The following FAM117A variants were observed in gnomAD, a reference collection of about 807,000 sequenced individuals.
FAM117A encodes the protein family with sequence similarity 117 member A, also known as protein FAM117A.
Under a neutral mutation model 44.1 loss-of-function variants are expected in FAM117A, and 21 were observed. That is an observed-to-expected ratio of 0.48 (90% CI 0.34 to 0.69). FAM117A has a LOEUF of 0.69. FAM117A is among the 30% of genes least tolerant of loss of function. The probability of loss-of-function intolerance (pLI) is 0.01; values close to 1 mark genes in which losing one functional copy is unlikely to be tolerated. For missense variants in FAM117A, 498 were observed against 589.9 expected (o/e 0.84, Z 1.61); for synonymous variants, 220 against 238.3 (o/e 0.92, Z 0.71).
intron 1 of FAM117A, among the ~76,000 whole-genome samples, chr17:49,751,307 G>A (rs984585426): frequency 2.7e-5 from 4 of 147,838 alleles, no homozygotes; most frequent in East Asian, 2.0e-4. Context: ...AAAGCCGGGC[G>A]CGCTGGCTCA....
chr17:49,768,305 G>T (rs1234295705), upstream of FAM117A, among the ~76,000 whole-genome samples: 1 of 152,148 alleles, frequency 6.6e-6, no homozygotes, highest in Non-Finnish European at 1.5e-5. Flanking sequence ...AGGGCACCTT[G>T]AATTCCACCC....
At chr17:49,732,340 G>A (rs12149966) in intron 2 of FAM117A, 623 of 420,000 alleles carry the variant, frequency 1.5e-3, no homozygotes, top group Non-Finnish European at 2.2e-3. Flanking sequence ...GGGAGGCAGA[G>A]GTTGCAGTGA....
intron 1 of FAM117A, among the ~76,000 whole-genome samples, chr17:49,740,211 CTG>C (rs1193213236): frequency 6.6e-6 from 1 of 151,912 alleles, no homozygotes; most frequent in East Asian, 1.9e-4. Context: ...AAAGATGGGC[CTG>C]GCACACTGCA....
At chr17:49,755,766 G>A (rs1296457910) in intron 1 of FAM117A, among the ~76,000 whole-genome samples, 1 of 152,198 alleles carries the variant, frequency 6.6e-6, no homozygotes, top group Non-Finnish European at 1.5e-5. Flanking sequence ...AGGTATTATA[G>A]AGGGGGAACA....
chr17:49,732,255 A>G (rs1340340770), intron 2 of FAM117A: 2 of 226,194 alleles, frequency 8.8e-6, no homozygotes, highest in Admixed American at 9.9e-5. Context: ...ACGGTGGTAA[A>G]TTAGCAGGGC....
intron 1 of FAM117A, 128 bp from the exon 2 acceptor site, chr17:49,732,848 A>G: frequency 9.9e-7 from 1 of 1,006,152 alleles, no homozygotes; most frequent in East Asian, 2.6e-5. Context: ...CTGTCCTAAA[A>G]GAATTTGAAG....
At chr17:49,773,940 G>T (rs2073768801) in intron 1 of FAM117A, among the ~76,000 whole-genome samples, 1 of 152,090 alleles carries the variant, frequency 6.6e-6, no homozygotes, top group Non-Finnish European at 1.5e-5. Context: ...TTTTAGTAGA[G>T]ATGGGATTTT....
At chr17:49,766,788 T>C (rs547964664), upstream of FAM117A, among the ~76,000 whole-genome samples, 1 of 152,352 alleles carries the variant, frequency 6.6e-6, no homozygotes, top group South Asian at 2.1e-4. Context: ...GAATCATCCC[T>C]GCTCCATCAA....
At chr17:49,740,274 G>C (rs1161253363) in intron 1 of FAM117A, among the ~76,000 whole-genome samples, 8 of 150,948 alleles carry the variant, frequency 5.3e-5, no homozygotes, top group Non-Finnish European at 8.8e-5. Context: ...TTGAGAGGGA[G>C]TCTCACTCTG....
At chr17:49,780,109 C>T (rs2073785498) in intron 1 of FAM117A, among the ~76,000 whole-genome samples, 1 of 152,146 alleles carries the variant, frequency 6.6e-6, no homozygotes, top group Non-Finnish European at 1.5e-5. Flanking sequence ...GCTTATACCC[C>T]TCCCATTGGT....
intron 7 of FAM117A, 88 bp from the exon 8 acceptor site, chr17:49,711,643 G>C (rs747770755): frequency 2.4e-6 from 3 of 1,274,128 alleles, no homozygotes; most frequent in Non-Finnish European, 3.4e-6. Flanking sequence ...ACAGCATCAA[G>C]GCAGCAGGAG....
intron 1 of FAM117A, among the ~76,000 whole-genome samples, chr17:49,776,577 C>A (rs2073776143): frequency 6.6e-6 from 1 of 152,190 alleles, no homozygotes; most frequent in African/African-American, 2.4e-5. Context: ...TTATTATTTA[C>A]TATTATGTCT....
intron 1 of FAM117A, among the ~76,000 whole-genome samples, chr17:49,780,530 C>T (rs1411644618): frequency 1.3e-5 from 2 of 152,000 alleles, no homozygotes; most frequent in African/African-American, 4.8e-5. Context: ...ACAGGTCCAC[C>T]AGTAATTTTT....
chr17:49,789,088 T>G (rs2073848164), upstream of FAM117A: 2 of 397,234 alleles, frequency 5.0e-6, no homozygotes, highest in Non-Finnish European at 9.2e-6. Flanking sequence ...TCTTATTAAT[T>G]GGTCGCTGAA....
At chr17:49,724,785 C>T (rs2073551891) in intron 2 of FAM117A, among the ~76,000 whole-genome samples, 1 of 140,108 alleles carries the variant, frequency 7.1e-6, no homozygotes, top group South Asian at 2.3e-4. Context: ...TGCACCACTG[C>T]ACTCCAAGCC....
intron 2 of FAM117A, among the ~76,000 whole-genome samples, chr17:49,727,507 G>C (rs572062354): frequency 6.6e-6 from 1 of 152,178 alleles, no homozygotes; most frequent in Non-Finnish European, 1.5e-5. Flanking sequence ...GGACAAGTAG[G>C]GTAGCTTCTG....
intron 1 of FAM117A, among the ~76,000 whole-genome samples, chr17:49,744,487 T>G (rs1267765702): frequency 1.3e-5 from 2 of 151,094 alleles, no homozygotes; most frequent in Non-Finnish European, 2.9e-5. Context: ...GCCTAGCTAA[T>G]TTCTAAATTT....
chr17:49,757,021 C>G (rs2073701704), intron 1 of FAM117A, among the ~76,000 whole-genome samples: 1 of 152,110 alleles, frequency 6.6e-6, no homozygotes, highest in African/African-American at 2.4e-5. Context: ...TTCAGACAGT[C>G]TCTGAGAGAA....
At position 49,763,993 on chromosome 17, in the gene FAM117A, G is replaced by A. The variant is rs1046619874; in HGVS notation, c.95C>T (p.Ala32Val). The change falls in exon 1 of 8, where the codon GCC becomes GTC. Residue 32 changes from alanine (A) to valine (V), a missense_variant. Ala to Val is a moderately conservative substitution (Grantham distance 64, BLOSUM62 0). Around this residue, in one of 3 missense-constraint regions of FAM117A, gnomAD observed 270 missense variants for 277.4 expected, o/e 0.97. Transcript: ENST00000240364. The stretch of plus-strand genomic sequence containing the variant: ...CCCAGCCCGGGGGGAGCCGGCGGGG[G>A]CTGGGGGAGAGCAGCCCCGCCGGAG... ...GGLRRGCSPP[A>V]PAGSPRAGLQ... The A allele has an allele frequency of 4.9e-6, 6 of 1,218,910 alleles. No individual in the cohort carries two copies. In the African/African-American group the frequency reaches 6.3e-5, roughly 13 times the overall value. The allele number at this position is 1,218,910 out of a possible 1,614,324, so 75.5% of individuals were successfully genotyped here. A position where few individuals can be genotyped will look rare whatever the true frequency, so the allele number is the denominator to read the frequency against.
Sources: gnomAD v4.1 joint callset for allele counts (sites outside exome capture counted in the v4.1 genomes callset) on GRCh38, gnomAD v4.1.1 for gene constraint, gnomAD v4.1.1 regional missense constraint, MANE v1.5 for transcripts, NCBI Gene and HGNC (gene_info 2026-07-23, HGNC 2026-07-21) for gene names.